Variants in LRP8 observed in about 807,000 individuals in gnomAD.
The protein encoded by LRP8 is LDL receptor related protein 8, also known as low-density lipoprotein receptor-related protein 8.
In LRP8, 46 loss-of-function variants were observed where a neutral mutation model predicts 111.6. The ratio of observed to expected loss-of-function variants is 0.41; its 90% confidence interval spans 0.33 to 0.53. LRP8 has a LOEUF of 0.53. Among genes scored for constraint, LRP8 ranks in the 20% least tolerant of loss-of-function variants. LRP8 has a pLI of 0.20. For missense variants in LRP8, 959 were observed against 1,297.4 expected (o/e 0.74, Z 4.01); for synonymous variants, 464 against 511.2 (o/e 0.91, Z 1.24).
In LRP8 at chr1:53,250,023, G is replaced by T. The variant is rs1477074718; in HGVS notation, c.2677-467C>A. Among the ~76,000 whole-genome samples the T allele has an allele frequency of 6.6e-6, 1 of 152,186 alleles. No individual in the cohort carries two copies. Among genetic ancestry groups the T allele is most frequent in the Non-Finnish European group, 1.5e-5 (1 of 68,018 alleles). On this transcript the variant is annotated intron_variant, in intron 17 of 18. Coordinates refer to ENST00000306052, the MANE Select transcript of LRP8 (RefSeq NM_004631.5). This position sits in a 1 kb window ranked among gnomAD's most constrained non-coding sequence, Gnocchi z 4.6. ...GTGACAGGGGCTGTGAGGTAGAGAGGCCCAGAGTACTGTGGGAGAACAAAG... is the reference window on the plus strand; with the variant it reads ...GTGACAGGGGCTGTGAGGTAGAGAGTCCCAGAGTACTGTGGGAGAACAAAG...
intron 6 of LRP8, chr1:53,274,654 T>C (rs1383961921): frequency 8.8e-6 from 4 of 455,488 alleles, no homozygotes; most frequent in Non-Finnish European, 1.8e-5. Context: ...AGGAGGGGGA[T>C]GGTAGGAGAC....
At chr1:53,248,499 A>C (rs948369167) in intron 18 of LRP8, among the ~76,000 whole-genome samples, 1 of 152,228 alleles carries the variant, frequency 6.6e-6, no homozygotes, top group African/African-American at 2.4e-5. Context: ...GCTTTTGTGT[A>C]TATACAGACT....
chr1:53,294,975 C>T lies in LRP8; in HGVS notation c.245-5286G>A, dbSNP rs1435185930. Among the ~76,000 whole-genome samples the T allele has an allele frequency of 2.0e-5, 3 of 152,204 alleles. No individual in the cohort carries two copies. The highest frequency in any genetic ancestry group is 2.9e-5 in the Non-Finnish European group (2 of 68,030). ...CCTCTTGGCAATCCGAATGTCCTGC[C>T]GTGTTGGACTCCAGGGTCTTGAGGC... On this transcript the variant is annotated intron_variant, in intron 2 of 18. Transcript: ENST00000306052. This position sits in a 1 kb window ranked among gnomAD's most constrained non-coding sequence, Gnocchi z 4.1.
intron 2 of LRP8, among the ~76,000 whole-genome samples, chr1:53,299,757 G>T (rs574998207): frequency 1.1e-3 from 173 of 152,394 alleles, no homozygotes; most frequent in Non-Finnish European, 1.8e-3. Context: ...AGTTAGCAAT[G>T]GGCCGTCTGC....
At chr1:53,298,752 C>A (rs1443542390) in intron 2 of LRP8, among the ~76,000 whole-genome samples, 3 of 152,246 alleles carry the variant, frequency 2.0e-5, no homozygotes, top group African/African-American at 7.2e-5. Flanking sequence ...CCAGCCAGGC[C>A]CCCTGGGGCT....
chr1:53,260,671 T>C, intron 12 of LRP8, 66 bp from the exon 13 acceptor site: 2 of 1,545,096 alleles, frequency 1.3e-6, no homozygotes, highest in Non-Finnish European at 1.8e-6. Flanking sequence ...GTCTGAGGGG[T>C]TGGCCCCAAA....
At chr1:53,306,105 G>T (rs1259640257) in intron 2 of LRP8, 1 of 152,268 alleles carries the variant, frequency 6.6e-6, no homozygotes, top group Non-Finnish European at 1.5e-5. Context: ...TCCTGTGTTG[G>T]TGGCACTCAA....
intron 2 of LRP8, among the ~76,000 whole-genome samples, chr1:53,321,542 G>A (rs946076568): frequency 5.9e-5 from 9 of 152,100 alleles, no homozygotes; most frequent in South Asian, 2.1e-4. Context: ...CTGGGCTCTC[G>A]CTCCTCACTG....
intron 3 of LRP8, among the ~76,000 whole-genome samples, chr1:53,283,140 A>G (rs1647169412): frequency 6.6e-6 from 1 of 152,140 alleles, no homozygotes; most frequent in African/African-American, 2.4e-5. Flanking sequence ...TTAAGCCATA[A>G]CAGTACAGCT....
rs1042535490 is a variant in LRP8 at position 53,245,433 on chromosome 1, G to T, written c.*1585C>A. 4 of 152,102 alleles carry T rather than the reference G, an allele frequency of 2.6e-5. No homozygotes were observed. The highest frequency in any genetic ancestry group is 6.5e-5 in the Admixed American group (1 of 15,268). The allele number at this position is 152,102 out of a possible 1,614,324, so 9.4% of individuals were successfully genotyped here. A position where few individuals can be genotyped will look rare whatever the true frequency, so the allele number is the denominator to read the frequency against. ...GGGACTGAATCCTTCTGGGACTATA[G>T]GATTATGTTTCCAATGGGAGACCCC... On this transcript the variant is annotated 3_prime_UTR_variant, in exon 19 of 19. Coordinates refer to ENST00000306052, the MANE Select transcript of LRP8 (RefSeq NM_004631.5).
chr1:53,270,600 C>T (rs1646727952), intron 8 of LRP8, among the ~76,000 whole-genome samples: 1 of 152,084 alleles, frequency 6.6e-6, no homozygotes. Flanking sequence ...GAAAACTAGA[C>T]AAAGAAAATG....
At chr1:53,287,776 G>A (rs1346047336) in intron 3 of LRP8, among the ~76,000 whole-genome samples, 1 of 152,150 alleles carries the variant, frequency 6.6e-6, no homozygotes, top group East Asian at 1.9e-4. Context: ...CCCAGGGGAT[G>A]GGAAGGCAGC....
At position 53,276,891 on chromosome 1, in the gene LRP8, G is replaced by A. The variant is rs1423381538; in HGVS notation, c.684C>T (p.Cys228=). 1 of 1,419,036 alleles carries A rather than the reference G, an allele frequency of 7.0e-7. No individual in the cohort carries two copies. The highest frequency in any genetic ancestry group is 1.3e-5 in the South Asian group (1 of 75,656). 87.9% of individuals were successfully genotyped at this position (1,419,036 alleles called of 1,614,324 possible). The change falls in exon 5 of 19, where the codon TGC becomes TGT. Residue 228 remains cysteine, a synonymous_variant. Coordinates refer to ENST00000306052, the MANE Select transcript of LRP8 (RefSeq NM_004631.5). ...GGTCCTCGCAGTCAAACTGGCGGTC[G>A]CAGACCCAGCGCTCCGGGATGCAGG... The part of the protein sequence containing the change: ...GGACIPERWV[C]DRQFDCEDRS...
chr1:53,299,061 G>A (rs1205678769), intron 2 of LRP8, among the ~76,000 whole-genome samples: 2 of 152,218 alleles, frequency 1.3e-5, no homozygotes, highest in African/African-American at 2.4e-5. Flanking sequence ...GGCCAGGCCC[G>A]AGGGATTCAA....
In LRP8 at chr1:53,256,747, G is replaced by C. The variant is rs17108154; in HGVS notation, c.2434+493C>G. Among the ~76,000 whole-genome samples the C allele has an allele frequency of 2.5e-3, 381 of 152,340 alleles. 9 individuals are homozygous for C. In the East Asian group the frequency reaches 0.065, roughly 26 times the overall value. ...CTTAATTATTTTCATCCCAGGGTTG[G>C]AAAGAGGTATAAGGAGACCATGGTT... is the stretch of plus-strand genomic sequence containing the variant. On this transcript the variant is annotated intron_variant, in intron 15 of 18. Coordinates refer to ENST00000306052, the MANE Select transcript of LRP8 (RefSeq NM_004631.5).
rs1176725733 is a variant in LRP8, at chr1:53,328,001, G to A, written c.-89C>T. Reference sequence around the variant, plus strand: ...CCCTCCGAGTCCTTGCCGCGGCGCCGGGGTTGCCGCTGCCCCCGCCGCCGC... The same window carrying A: ...CCCTCCGAGTCCTTGCCGCGGCGCCAGGGTTGCCGCTGCCCCCGCCGCCGC... On this transcript the variant is annotated 5_prime_UTR_variant, in exon 1 of 19. Coordinates refer to ENST00000306052, the MANE Select transcript of LRP8 (RefSeq NM_004631.5). The A allele has an allele frequency of 1.2e-5, 10 of 852,916 alleles. No individual in the cohort carries two copies. The highest frequency in any genetic ancestry group is 1.4e-5 in the Non-Finnish European group (10 of 711,576). 52.8% of individuals were successfully genotyped at this position (852,916 alleles called of 1,614,324 possible). A position where few individuals can be genotyped will look rare whatever the true frequency, so the allele number is the denominator to read the frequency against.
intron 2 of LRP8, chr1:53,304,764 C>T (rs992718026): frequency 2.0e-5 from 3 of 152,440 alleles, no homozygotes; most frequent in African/African-American, 7.2e-5. Context: ...GCCACAAGCC[C>T]CAGCTCAGCA....
chr1:53,263,407 A>T (rs1323503387), intron 10 of LRP8, among the ~76,000 whole-genome samples: 1 of 152,240 alleles, frequency 6.6e-6, no homozygotes, highest in Non-Finnish European at 1.5e-5. Flanking sequence ...TTTAACAAGG[A>T]AATAGCAGTA....
intron 4 of LRP8, among the ~76,000 whole-genome samples, chr1:53,278,503 G>T (rs1647000079): frequency 6.6e-6 from 1 of 152,276 alleles, no homozygotes; most frequent in Admixed American, 6.5e-5. Flanking sequence ...GATGTCTTCA[G>T]TTTCACCAGG....
Sources: gnomAD v4.1 joint callset for allele counts (sites outside exome capture counted in the v4.1 genomes callset) on GRCh38, gnomAD v4.1.1 for gene constraint, Gnocchi (gnomAD v3.1) non-coding constraint, MANE v1.5 for transcripts, NCBI Gene and HGNC (gene_info 2026-07-23, HGNC 2026-07-21) for gene names.